RALYL: variants seen among roughly 807,000 people sequenced by gnomAD.
RALYL encodes the protein RALY RNA binding protein like.
Under a neutral mutation model 35.1 loss-of-function variants are expected in RALYL, and 29 were observed. The ratio of observed to expected loss-of-function variants is 0.83; its 90% CI spans 0.61 to 1.13. RALYL has a LOEUF of 1.13. Ranked by LOEUF, RALYL falls within the 50% of genes most tolerant of loss-of-function variation. The probability of loss-of-function intolerance (pLI) is 0.00; values close to 1 mark genes in which losing one functional copy is unlikely to be tolerated. For missense variants in RALYL, 359 were observed against 360.4 expected (o/e 1.00, Z 0.03); for synonymous variants, 120 against 127.6 (o/e 0.94, Z 0.40).
intron 1 of RALYL, among the ~76,000 whole-genome samples, chr8:84,425,411 C>A (rs556157289): frequency 1.1e-4 from 16 of 152,148 alleles, no homozygotes; most frequent in Admixed American, 1.0e-3. Context: ...CTTCGGCTCG[C>A]GCACGGTGCG....
chr8:84,768,694 C>T (rs376071131), intron 2 of RALYL, among the ~76,000 whole-genome samples: 5 of 152,146 alleles, frequency 3.3e-5, no homozygotes, highest in Non-Finnish European at 7.3e-5. Flanking sequence ...AAATTGCTTT[C>T]CTACCATTAA....
intron 2 of RALYL, among the ~76,000 whole-genome samples, chr8:84,747,507 A>G (rs563353998): frequency 1.2e-3 from 186 of 152,042 alleles, no homozygotes; most frequent in Non-Finnish European, 2.0e-3. Context: ...AACACTTATG[A>G]CATTAAATAT....
chr8:84,731,504 A>C (rs143297688), intron 2 of RALYL, among the ~76,000 whole-genome samples: 1 of 152,218 alleles, frequency 6.6e-6, no homozygotes, highest in Non-Finnish European at 1.5e-5. Context: ...TCCATTTTTA[A>C]TCGATCACCA....
chr8:84,581,110 C>T (rs904342003), intron 2 of RALYL, among the ~76,000 whole-genome samples: 1 of 152,160 alleles, frequency 6.6e-6, no homozygotes, highest in South Asian at 2.1e-4. Flanking sequence ...ACTCCAAGTG[C>T]AAGTGTTGCA....
intron 1 of RALYL, among the ~76,000 whole-genome samples, chr8:84,438,956 T>A (rs1032296789): frequency 1.3e-5 from 2 of 151,968 alleles, no homozygotes; most frequent in East Asian, 3.9e-4. Flanking sequence ...CTTTTTTTTT[T>A]ATCAGTACCA....
intron 1 of RALYL, among the ~76,000 whole-genome samples, chr8:84,510,642 C>A (rs576403514): frequency 1.3e-5 from 2 of 152,256 alleles, no homozygotes; most frequent in South Asian, 4.1e-4. Flanking sequence ...GAAACCCCAT[C>A]TCTACTAAAA....
At chr8:84,640,070 A>G (rs1334523846) in intron 2 of RALYL, among the ~76,000 whole-genome samples, 2 of 151,930 alleles carry the variant, frequency 1.3e-5, no homozygotes, top group Non-Finnish European at 2.9e-5. Context: ...TATAAATGAG[A>G]GACTTAATTT....
chr8:84,811,980 C>T (rs1467787942), intron 4 of RALYL, among the ~76,000 whole-genome samples: 1 of 152,148 alleles, frequency 6.6e-6, no homozygotes, highest in Non-Finnish European at 1.5e-5. Context: ...AATAACTAAC[C>T]TCCTGAACCC....
intron 2 of RALYL, among the ~76,000 whole-genome samples, chr8:84,697,079 CT>C (rs1480269855): frequency 3.3e-5 from 5 of 151,842 alleles, no homozygotes; most frequent in African/African-American, 1.2e-4. Flanking sequence ...GACAGGATTG[CT>C]GTGTATAATA....
At chr8:84,618,346 A>T (rs1820369953) in intron 2 of RALYL, among the ~76,000 whole-genome samples, 1 of 151,648 alleles carries the variant, frequency 6.6e-6, no homozygotes, top group Non-Finnish European at 1.5e-5. Flanking sequence ...CGAGGAATTT[A>T]TCCATTTCTT....
intron 5 of RALYL, among the ~76,000 whole-genome samples, chr8:84,852,864 G>A (rs767317777): frequency 1.3e-5 from 2 of 152,098 alleles, no homozygotes; most frequent in African/African-American, 2.4e-5. Context: ...GAGGAAGGAC[G>A]TGCCTGCCCT....
intron 1 of RALYL, among the ~76,000 whole-genome samples, chr8:84,492,384 A>G (rs1308152172): frequency 3.9e-5 from 6 of 152,066 alleles, no homozygotes; most frequent in Non-Finnish European, 8.8e-5. Context: ...ATTTTTTGCA[A>G]AATTTACTGT....
chr8:84,366,499 C>T (rs540624421), intron 1 of RALYL, among the ~76,000 whole-genome samples: 8 of 152,032 alleles, frequency 5.3e-5, no homozygotes, highest in Middle Eastern at 3.4e-3. Flanking sequence ...GGCTGGAGGC[C>T]GAGTGCGGTG....
At chr8:84,765,481 A>G (rs1172805445) in intron 2 of RALYL, among the ~76,000 whole-genome samples, 1 of 152,164 alleles carries the variant, frequency 6.6e-6, no homozygotes, top group Non-Finnish European at 1.5e-5. Flanking sequence ...CTGAACTAAC[A>G]GTACAAATAA....
chr8:84,578,321 C>T (rs1213899474), intron 2 of RALYL, among the ~76,000 whole-genome samples: 4 of 152,214 alleles, frequency 2.6e-5, no homozygotes, highest in Non-Finnish European at 5.9e-5. Flanking sequence ...CTTAGAGCTG[C>T]AACCACAGAG....
chr8:84,196,568 A>G (rs1255227052), intron 1 of RALYL, among the ~76,000 whole-genome samples: 1 of 152,216 alleles, frequency 6.6e-6, no homozygotes, highest in East Asian at 1.9e-4. Flanking sequence ...TTTGATATCT[A>G]GTTTGTATTG....
chr8:84,498,731 T>C (rs747744869), intron 1 of RALYL, among the ~76,000 whole-genome samples: 1 of 152,108 alleles, frequency 6.6e-6, no homozygotes, highest in Non-Finnish European at 1.5e-5. Flanking sequence ...AATAAAGTAA[T>C]GATAACACAC....
chr8:84,199,619 A>G (rs1816336781), intron 1 of RALYL, among the ~76,000 whole-genome samples: 2 of 152,188 alleles, frequency 1.3e-5, no homozygotes, highest in African/African-American at 2.4e-5. Flanking sequence ...TAGTAGTTTC[A>G]TAGTTTGAGG....
chr8:84,445,195 A>C (rs770222064), intron 1 of RALYL, among the ~76,000 whole-genome samples: 26 of 152,060 alleles, frequency 1.7e-4, no homozygotes, highest in Non-Finnish European at 3.2e-4. Flanking sequence ...AATTTCAAAG[A>C]CGTTAAATAT....
Sources: gnomAD v4.1 joint callset for allele counts (sites outside exome capture counted in the v4.1 genomes callset) on GRCh38, gnomAD v4.1.1 for gene constraint, MANE v1.5 for transcripts, NCBI Gene and HGNC (gene_info 2026-07-23, HGNC 2026-07-21) for gene names.